Variants in TET1 observed in about 807,000 individuals in gnomAD.
The protein encoded by TET1 is methylcytosine dioxygenase TET1.
In TET1, 13 loss-of-function variants were observed where a neutral mutation model predicts 148.7. The observed-to-expected ratio is 0.09, with a 90% CI of 0.06 to 0.14. TET1 has a LOEUF of 0.14. Ranked by LOEUF, TET1 falls within the 10% of genes least tolerant of loss-of-function variation. The probability of loss-of-function intolerance (pLI) is 1.00; values close to 1 mark genes in which losing one functional copy is unlikely to be tolerated. For synonymous variants in TET1, 907 were observed against 937.2 expected (o/e 0.97, Z 0.59); for missense variants, 2,182 against 2,553.8 (o/e 0.85, Z 3.14).
At chr10:68,647,747 A>G (rs532440699) in intron 4 of TET1, among the ~76,000 whole-genome samples, 2 of 152,320 alleles carry the variant, frequency 1.3e-5, no homozygotes, top group South Asian at 4.1e-4. Context: ...AATGTAAAAC[A>G]TATGTATAAG....
chr10:68,603,797 T>C (rs2054088491), intron 3 of TET1, among the ~76,000 whole-genome samples: 1 of 152,172 alleles, frequency 6.6e-6, no homozygotes, highest in Non-Finnish European at 1.5e-5. Flanking sequence ...AGAACACTAT[T>C]ATCCATATTT....
At chr10:68,650,062 C>T (rs2054909144) in intron 4 of TET1, among the ~76,000 whole-genome samples, 1 of 152,110 alleles carries the variant, frequency 6.6e-6, no homozygotes, top group South Asian at 2.1e-4. Flanking sequence ...GCAAAATAAT[C>T]TCTAGATTAG....
intron 8 of TET1, among the ~76,000 whole-genome samples, chr10:68,679,972 C>T (rs538639248): frequency 6.6e-6 from 1 of 152,336 alleles, no homozygotes; most frequent in South Asian, 2.1e-4. Context: ...CTGTGCCCAG[C>T]TGACTTTCCT....
In TET1 at chr10:68,691,118, C is replaced by T. The variant is rs372654275; in HGVS notation, c.5715C>T (p.Gly1905=). The change falls in exon 12 of 12, where the codon GGC becomes GGT. Residue 1905 remains glycine (G), a synonymous_variant. Transcript: ENST00000373644. This position sits in a 1 kb window ranked among gnomAD's most constrained non-coding sequence, Gnocchi z 4.4. The stretch of plus-strand genomic sequence containing the variant: ...ATGGCCCTGGCATTTCACAGCTTGG[C>T]GAAGTGGCTCCTCTCCCCACCCTGT... ...AADGPGISQL[G]EVAPLPTLSA... is the part of the protein sequence containing the mutation. 8 of 1,614,050 alleles carry T rather than the reference C, an allele frequency of 5.0e-6. No individual in the cohort carries two copies. The highest frequency in any genetic ancestry group is 1.7e-5 in the Admixed American group (1 of 59,994).
rs34948432 is a variant in TET1 at position 68,575,702 on chromosome 10, CAAATAAATAAAT to C, written c.1914+1476_1914+1487del. On this transcript the variant is annotated intron_variant, in intron 2 of 11. Coordinates refer to ENST00000373644, the MANE Select transcript of TET1 (RefSeq NM_030625.3). ...GGACAACAAGAGTGAAACTCCATCT[CAAATAAATAAAT>C]AAATAAATAAATAAATAAATAAATA... 4.3e-3 allele frequency among the ~76,000 whole-genome samples: 606 copies of C among 140,744 alleles called. 4 individuals carry two copies. The highest frequency in any genetic ancestry group is 0.014 in the African/African-American group (530 of 37,370). 92.3% of individuals were successfully genotyped at this position (140,744 alleles called of 152,430 possible). A position where few individuals can be genotyped will look rare whatever the true frequency, so the allele number is the denominator to read the frequency against.
At chr10:68,598,440 A>T (rs10998317) in intron 2 of TET1, among the ~76,000 whole-genome samples, 44,256 of 151,728 alleles carry the variant, frequency 0.29, 7,700 homozygotes, top group Middle Eastern at 0.42. Context: ...ATCACAATTT[A>T]AAAAAAAATC....
chr10:68,687,134 C>T (rs2133237274), intron 11 of TET1, among the ~76,000 whole-genome samples: 1 of 132,246 alleles, frequency 7.6e-6, no homozygotes, highest in Non-Finnish European at 1.6e-5. Context: ...TGATCCGCCC[C>T]CGCCCCCCCG....
In TET1 at chr10:68,692,933, C is replaced by A. The variant is rs575693409; in HGVS notation, c.*1119C>A. 3.3e-4 allele frequency: 76 copies of A among 230,158 alleles called. No homozygotes were observed. The highest frequency in any genetic ancestry group is 1.5e-3 in the African/African-American group (69 of 44,916). The allele number at this position is 230,158 out of a possible 1,614,324, so 14.3% of individuals were successfully genotyped here. A position where few individuals can be genotyped will look rare whatever the true frequency, so the allele number is the denominator to read the frequency against. ...CAGATATTTGTACTGAAGTCTGATACAGAATTAGAAAAAAAAAATTCTTGT... is the reference window on the plus strand; with the variant it reads ...CAGATATTTGTACTGAAGTCTGATAAAGAATTAGAAAAAAAAAATTCTTGT... On this transcript the variant is annotated 3_prime_UTR_variant, in exon 12 of 12. Transcript: ENST00000373644.
chr10:68,684,632 T>A (rs1244884854), intron 10 of TET1, among the ~76,000 whole-genome samples: 3 of 152,154 alleles, frequency 2.0e-5, no homozygotes, highest in Non-Finnish European at 4.4e-5. Context: ...AGGGCCCGGA[T>A]TACTCACTCA....
intron 3 of TET1, among the ~76,000 whole-genome samples, chr10:68,615,191 G>A (rs1012981202): frequency 4.0e-5 from 6 of 151,716 alleles, no homozygotes; most frequent in African/African-American, 1.5e-4. Context: ...TGGGCCTCCT[G>A]AAGGGCTGAG....
chr10:68,579,878 T>A (rs1206608581), intron 2 of TET1, among the ~76,000 whole-genome samples: 2 of 152,052 alleles, frequency 1.3e-5, no homozygotes, highest in African/African-American at 2.4e-5. Flanking sequence ...AGTGATGCCC[T>A]TCTTCCTTTC....
In TET1 at chr10:68,652,554, A is replaced by G. The variant is rs775491529; in HGVS notation, c.4421A>G (p.Lys1474Arg). Residue 1474 changes from lysine to arginine, a missense_variant, in exon 6 of 12, where the codon AAA becomes AGA. Lys to Arg is a conservative substitution (Grantham distance 26, BLOSUM62 2). Coordinates refer to ENST00000373644, the MANE Select transcript of TET1 (RefSeq NM_030625.3). ...ATAGAAATAGTAGTGTACACCGGTA[A>G]AGAAGGGAAAAGCTCTCATGGGTGT... ...IRIEIVVYTG[K>R]EGKSSHGCPI... is the part of the protein sequence containing the mutation. 6.2e-7 allele frequency: 1 copy of G among 1,613,050 alleles called. No homozygotes were observed. Among genetic ancestry groups the G allele is most frequent in the South Asian group, 1.1e-5 (1 of 90,878 alleles).
chr10:68,686,496 T>C lies in TET1; in HGVS notation c.5193T>C (p.Ser1731=). 1.2e-6 allele frequency: 2 copies of C among 1,614,094 alleles called. No homozygotes were observed. Among genetic ancestry groups the C allele is most frequent in the East Asian group, 2.2e-5 (1 of 44,878 alleles). Reference sequence around the variant, plus strand: ...AAGGAATGGAAGCCAAGATCAAATCTGGGGCCATCGAGGTCCTGGCACCCC... The same window carrying C: ...AAGGAATGGAAGCCAAGATCAAATCCGGGGCCATCGAGGTCCTGGCACCCC... ...SKEGMEAKIK[S]GAIEVLAPRR... Residue 1731 remains serine (S), a synonymous_variant, in exon 11 of 12, where the codon TCT becomes TCC. Coordinates refer to ENST00000373644, the MANE Select transcript of TET1 (RefSeq NM_030625.3).
At chr10:68,596,013 C>CATAT (rs2053983103) in intron 2 of TET1, among the ~76,000 whole-genome samples, 3 of 107,562 alleles carry the variant, frequency 2.8e-5, no homozygotes, top group African/African-American at 1.1e-4. Flanking sequence ...CACACACACA[C>CATAT]ACACACACAC....
At chr10:68,676,260 A>G (rs1564506258) in intron 8 of TET1, among the ~76,000 whole-genome samples, 18 of 15,358 alleles carry the variant, frequency 1.2e-3, no homozygotes, top group Middle Eastern at 0.1. Flanking sequence ...ATATATATAT[A>G]TATATATATT....
chr10:68,603,414 A>T (rs979634146), intron 3 of TET1, among the ~76,000 whole-genome samples: 1 of 152,154 alleles, frequency 6.6e-6, no homozygotes. Flanking sequence ...CCTGATAACT[A>T]TTGAATCCAG....
rs756422497 is a variant in TET1, at chr10:68,646,235, A to G, written c.3506A>G (p.Gln1169Arg). Residue 1169 changes from glutamine to arginine, a missense_variant, in exon 4 of 12, where the codon CAA becomes CGA. Transcript: ENST00000373644. The part of the protein sequence containing the change: ...RKKKPTVVSY[Q>R]ENDRQKWEKL... The stretch of plus-strand genomic sequence containing the variant: ...AAGAAGCCCACAGTTGTAAGTTATC[A>G]AGAAAATGATCGGCAGAAGTGGGAA... 1 of 1,614,106 alleles carries G rather than the reference A, an allele frequency of 6.2e-7. No individual in the cohort carries two copies. The highest frequency in any genetic ancestry group is 8.5e-7 in the Non-Finnish European group (1 of 1,180,046).
chr10:68,596,008 A>ACC, intron 2 of TET1, among the ~76,000 whole-genome samples: 2 of 103,990 alleles, frequency 1.9e-5, no homozygotes, highest in African/African-American at 3.7e-5. Flanking sequence ...ACACACACAC[A>ACC]CACACACACA....
At chr10:68,687,002 C>G (rs2055521571) in intron 11 of TET1, among the ~76,000 whole-genome samples, 1 of 151,976 alleles carries the variant, frequency 6.6e-6, no homozygotes, top group Non-Finnish European at 1.5e-5. Flanking sequence ...ATTCTCCTGC[C>G]TCAGCGTCCT....
Sources: allele counts gnomAD v4.1 joint callset (sites outside exome capture counted in the v4.1 genomes callset), GRCh38; gene constraint gnomAD v4.1.1; non-coding constraint Gnocchi (gnomAD v3.1); transcripts MANE v1.5; gene names NCBI Gene and HGNC (gene_info 2026-07-23, HGNC 2026-07-21).